Variants in MTMR4 observed in about 807,000 individuals in gnomAD.
MTMR4 encodes myotubularin related protein 4.
A neutral mutation model predicts 125.5 loss-of-function variants in MTMR4; 30 were observed. That is an observed-to-expected ratio of 0.24 (90% CI 0.18 to 0.32). The LOEUF (loss-of-function observed/expected upper bound fraction) is 0.32, where lower values mean the gene tolerates loss of function less well. Among genes scored for constraint, MTMR4 ranks in the 10% least tolerant of loss-of-function variants. The pLI, the probability that MTMR4 is intolerant of heterozygous loss-of-function variation, is 1.00. For missense variants in MTMR4, 1,039 were observed against 1,511.5 expected (o/e 0.69, Z 5.18); for synonymous variants, 498 against 564.5 (o/e 0.88, Z 1.67).
chr17:58,504,197 G>A lies in MTMR4; in HGVS notation c.1551C>T (p.Tyr517=). 1 of 1,609,330 alleles carries A rather than the reference G, an allele frequency of 6.2e-7. No homozygotes were observed. Among genetic ancestry groups the A allele is most frequent in the African/African-American group, 1.3e-5 (1 of 74,804 alleles). ...CCAGGAAGGTGCCGTAGAGGCAGGA[G>A]TATGTGTGTTGCACCAGTTTTACCT... ...AFLVKLVQHT[Y]SCLYGTFLAN... Residue 517 remains tyrosine, a synonymous_variant, in exon 13 of 18, where the codon TAC becomes TAT. Transcript: ENST00000682306. This position sits in a 1 kb window ranked among gnomAD's most constrained non-coding sequence, Gnocchi z 7.1.
At chr17:58,503,648 T>G in intron 14 of MTMR4, 96 bp downstream of exon 14, 1 of 1,434,160 alleles carries the variant, frequency 7.0e-7, no homozygotes, top group Non-Finnish European at 9.3e-7. Flanking sequence ...AGATTCCGTC[T>G]CAAAAAAAAG....
At position 58,507,349 on chromosome 17, in the gene MTMR4, T is replaced by C. The variant is rs763119745; in HGVS notation, c.708-30A>G. 7.5e-6 allele frequency: 12 copies of C among 1,599,270 alleles called. No homozygotes were observed. The African/African-American group carries it at 1.3e-4, about 18-fold the overall frequency. On this transcript the variant is annotated intron_variant, in intron 7 of 17. Coordinates refer to ENST00000682306, the MANE Select transcript of MTMR4 (RefSeq NM_001378067.1). ...CAAAACAGAAGAAACCGTAATGCCC[T>C]TGGCATTCGAAGCCTCCAGAGGCCT...
At position 58,511,443 on chromosome 17, in the gene MTMR4, G is replaced by C; in HGVS notation, c.321C>G (p.Asp107Glu). Residue 107 changes from aspartate (D) to glutamate (E), a missense_variant, in exon 4 of 18, where the codon GAC (aspartate) becomes GAG (glutamate). By Grantham distance (45) the Asp-to-Glu change is conservative. Transcript: ENST00000682306. ...DMFQLHISCK[D>E]SKVVRCHFST... Reference sequence around the variant, plus strand: ...GTTGTTCTCACCTCACCACTTTGGAGTCCTTGCAGGAAATGTGCAACTGGA... The same window carrying C: ...GTTGTTCTCACCTCACCACTTTGGACTCCTTGCAGGAAATGTGCAACTGGA... The C allele has an allele frequency of 6.2e-7, 1 of 1,612,326 alleles. No individual in the cohort carries two copies. The highest frequency in any genetic ancestry group is 8.5e-7 in the Non-Finnish European group (1 of 1,179,314).
At position 58,512,731 on chromosome 17, in the gene MTMR4, A is replaced by G. The variant is rs890469202; in HGVS notation, c.135+121T>C. On this transcript the variant is annotated intron_variant, in intron 2 of 17. Coordinates refer to ENST00000682306, the MANE Select transcript of MTMR4 (RefSeq NM_001378067.1). This position sits in a 1 kb window ranked among gnomAD's most constrained non-coding sequence, Gnocchi z 4.1. ...GCAGACAAACCCTCCTCCTCCAGAG[A>G]CCAGGGAACATGAAGCCAGAGCTCT... 1 of 907,874 alleles carries G rather than the reference A, an allele frequency of 1.1e-6. No individual in the cohort carries two copies. The highest frequency in any genetic ancestry group is 1.5e-5 in the South Asian group (1 of 65,154). The allele number at this position is 907,874 out of a possible 1,614,324, so 56.2% of individuals were successfully genotyped here.
chr17:58,514,674 A>G, upstream of MTMR4: 1 of 985,036 alleles, frequency 1.0e-6, no homozygotes, highest in Non-Finnish European at 1.2e-6. Context: ...CCGCGGCGGG[A>G]AGGCGGAGGT....
At position 58,495,734 on chromosome 17, in the gene MTMR4, G is replaced by A; in HGVS notation, c.2450C>T (p.Ser817Phe). 1 of 1,614,128 alleles carries A rather than the reference G, an allele frequency of 6.2e-7. No individual in the cohort carries two copies. Reference sequence around the variant, plus strand: ...GAGGCTGTGATCAAGAACACACTTGGAGGGCACACCTAGCATGGAGTCTGG... The same window carrying A: ...GAGGCTGTGATCAAGAACACACTTGAAGGGCACACCTAGCATGGAGTCTGG... The part of the protein sequence containing the change: ...AQPDSMLGVP[S>F]KCVLDHSLST... The change falls in exon 15 of 18, where the codon TCC becomes TTC. Residue 817 changes from serine (S) to phenylalanine (F), a missense_variant. Physicochemically the swap from Ser to Phe is radical, Grantham distance 155. Coordinates refer to ENST00000682306, the MANE Select transcript of MTMR4 (RefSeq NM_001378067.1).
rs1975731011 is a variant in MTMR4 at position 58,504,724 on chromosome 17, C to G, written c.1341+55G>C. 5 of 1,543,274 alleles carry G rather than the reference C, an allele frequency of 3.2e-6. No homozygotes were observed. The highest frequency in any genetic ancestry group is 2.5e-5 in the South Asian group (2 of 81,418). On this transcript the variant is annotated intron_variant, in intron 11 of 17. Transcript: ENST00000682306. This position sits in a 1 kb window ranked among gnomAD's most constrained non-coding sequence, Gnocchi z 7.1. The stretch of plus-strand genomic sequence containing the variant: ...CCCAGGACAGATCCAGAGGGCTCAA[C>G]ACCTTCCCTCCTGCCACATTCCTTC...
At chr17:58,506,633 A>G (rs1196850248) in intron 9 of MTMR4, 110 bp downstream of exon 9, 3 of 1,414,798 alleles carry the variant, frequency 2.1e-6, no homozygotes, top group Non-Finnish European at 2.8e-6. Context: ...TTGTGATTAC[A>G]AGCCAGGTTT....
Position 58,508,257 on chromosome 17 carries a change from G to A in MTMR4, c.611C>T (p.Pro204Leu), listed in dbSNP as rs759907322. The stretch of plus-strand genomic sequence containing the variant: ...CCACACAGGAACCAGCAGCTTCTGG[G>A]GGTAACTGGGGCACAATCTGAGAAG... Reference protein sequence around the residue: ...NSNYKLCPSYPQKLLVPVWIT... With the variant: ...NSNYKLCPSYLQKLLVPVWIT... The change falls in exon 7 of 18, where the codon CCC becomes CTC. Residue 204 changes from proline to leucine, a missense_variant. Coordinates refer to ENST00000682306, the MANE Select transcript of MTMR4 (RefSeq NM_001378067.1). This position sits in a 1 kb window ranked among gnomAD's most constrained non-coding sequence, Gnocchi z 4.8. 1 of 1,614,044 alleles carries A rather than the reference G, an allele frequency of 6.2e-7. No individual in the cohort carries two copies. Among genetic ancestry groups the A allele is most frequent in the Non-Finnish European group, 8.5e-7 (1 of 1,180,018 alleles).
Position 58,490,519 on chromosome 17 carries a change from CT to C in MTMR4, c.*1143del, listed in dbSNP as rs1221806612. ...TTTGGTATCAAGGCTTTATTCTCTT[CT>C]GTTTGGGTTCCATTGTTAAGTGCAC... is the stretch of plus-strand genomic sequence containing the variant. On this transcript the variant is annotated 3_prime_UTR_variant, in exon 18 of 18. Coordinates refer to ENST00000682306, the MANE Select transcript of MTMR4 (RefSeq NM_001378067.1). 2 of 152,674 alleles carry C rather than the reference CT, an allele frequency of 1.3e-5. No homozygotes were observed. The highest frequency in any genetic ancestry group is 6.5e-5 in the Admixed American group (1 of 15,280). 9.5% of individuals were successfully genotyped at this position (152,674 alleles called of 1,614,324 possible).
chr17:58,507,312 G>A lies in MTMR4; in HGVS notation c.715C>T (p.Arg239Cys), dbSNP rs560166322. The change falls in exon 8 of 18, where the codon CGC becomes TGC. Residue 239 changes from arginine (R) to cysteine (C), a missense_variant. This residue lies in a region of MTMR4 where 202 missense variants were observed against 311.9 expected (regional missense o/e 0.65). Coordinates refer to ENST00000682306, the MANE Select transcript of MTMR4 (RefSeq NM_001378067.1). ...RIPVVVYRHL[R>C]NGAAIARCSQ... ...CAGCGGGCGATGGCAGCCCCATTGC[G>A]CAAGTGTCTGACAAAACAGAAGAAA... is the stretch of plus-strand genomic sequence containing the variant. 3.0e-5 allele frequency: 48 copies of A among 1,612,486 alleles called. No homozygotes were observed. Among genetic ancestry groups the A allele is most frequent in the Non-Finnish European group, 3.9e-5 (46 of 1,179,836 alleles).
chr17:58,505,800 C>G (rs545111496), intron 9 of MTMR4, among the ~76,000 whole-genome samples: 6 of 152,134 alleles, frequency 3.9e-5, no homozygotes, highest in African/African-American at 1.4e-4. Context: ...CCCAGCTACT[C>G]GGGAGACTGA....
At chr17:58,493,903 G>A (rs1975380307) in intron 15 of MTMR4, among the ~76,000 whole-genome samples, 1 of 152,152 alleles carries the variant, frequency 6.6e-6, no homozygotes, top group Non-Finnish European at 1.5e-5. Flanking sequence ...AAGGACTATG[G>A]TGCCAGAACC....
At chr17:58,507,970 G>A (rs1975822447) in intron 7 of MTMR4, 191 bp downstream of exon 7, 4 of 529,566 alleles carry the variant, frequency 7.6e-6, no homozygotes, top group Non-Finnish European at 1.4e-5. Flanking sequence ...AAAAAGGGGG[G>A]GAATGAATAA....
chr17:58,502,238 T>C (rs1975660237), intron 14 of MTMR4, among the ~76,000 whole-genome samples: 1 of 149,014 alleles, frequency 6.7e-6, no homozygotes, highest in African/African-American at 2.5e-5. Context: ...CTTACTGCAA[T>C]CTCCACCCCC....
chr17:58,492,789 A>G (rs1393059439), intron 16 of MTMR4, 53 bp downstream of exon 16: 4 of 1,509,798 alleles, frequency 2.6e-6, no homozygotes, highest in Admixed American at 1.7e-5. Flanking sequence ...TCTGGAAAAT[A>G]TGATGACTCA....
chr17:58,504,061 T>C lies in MTMR4; in HGVS notation c.1687A>G (p.Ser563Gly). 1.3e-6 allele frequency: 2 copies of C among 1,559,376 alleles called. No individual in the cohort carries two copies. The highest frequency in any genetic ancestry group is 1.7e-6 in the Non-Finnish European group (2 of 1,153,950). ...GGGCTCAGACTCACCATGTCTGAGC[T>C]GGGTGTGTAGAGGAAGTTATGAAAG... ...KNFHNFLYTP[S>G]SDMVLHPVCH... Residue 563 changes from serine (S) to glycine (G), a missense_variant, in exon 13 of 18, where the codon AGC becomes GGC. Physicochemically the swap from Ser to Gly is moderately conservative, Grantham distance 56 (BLOSUM62 0). Transcript: ENST00000682306. The surrounding 1 kb of genome is among the most constrained non-coding windows in gnomAD (Gnocchi z 7.1).
chr17:58,491,549 T>TA lies in MTMR4; in HGVS notation c.*113_*114insT, dbSNP rs1183765953. ...TGATACCAAGGAGGATTTCTCAAGA[T>TA]GGTATCTCTGAGCTCTGTGATTTCA... On this transcript the variant is annotated 3_prime_UTR_variant, in exon 18 of 18. Transcript: ENST00000682306. 3.7e-6 allele frequency: 4 copies of TA among 1,084,190 alleles called. No homozygotes were observed. The highest frequency in any genetic ancestry group is 5.3e-6 in the Non-Finnish European group (4 of 756,150). The allele number at this position is 1,084,190 out of a possible 1,614,324, so 67.2% of individuals were successfully genotyped here. A position where few individuals can be genotyped will look rare whatever the true frequency, so the allele number is the denominator to read the frequency against.
At position 58,510,377 on chromosome 17, in the gene MTMR4, C is replaced by T. The variant is rs115973281; in HGVS notation, c.335+1052G>A. On this transcript the variant is annotated intron_variant, in intron 4 of 17. Transcript: ENST00000682306. ...CCCACCTCAAGGCCTTTGCACTTGC[C>T]GTTCTCTGTCTCTGGCACACTCTTC... Among the ~76,000 whole-genome samples the T allele has an allele frequency of 6.8e-3, 1,039 of 152,256 alleles. 11 individuals carry two copies. The highest frequency in any genetic ancestry group is 0.023 in the African/African-American group (966 of 41,542).
Sources: gnomAD v4.1 joint callset for allele counts (sites outside exome capture counted in the v4.1 genomes callset) on GRCh38, gnomAD v4.1.1 for gene constraint, gnomAD v4.1.1 regional missense constraint, Gnocchi (gnomAD v3.1) non-coding constraint, MANE v1.5 for transcripts, NCBI Gene and HGNC (gene_info 2026-07-23, HGNC 2026-07-21) for gene names.